Variants in DAPK1 observed in about 807,000 individuals in gnomAD.
The protein encoded by DAPK1 is death-associated protein kinase 1.
A neutral mutation model predicts 144.9 loss-of-function variants in DAPK1; 56 were observed. That is an observed-to-expected ratio of 0.39 (90% CI 0.31 to 0.48). The LOEUF is 0.48. Among genes scored for constraint, DAPK1 ranks in the 20% least tolerant of loss-of-function variants. The pLI is 0.95. For missense variants in DAPK1, 1,454 were observed against 1,875.4 expected, an observed-to-expected ratio of 0.78 and a Z score of 4.15; for synonymous variants, 690 against 749.0, an observed-to-expected ratio of 0.92 and a Z score of 1.29.
intron 2 of DAPK1, among the ~76,000 whole-genome samples, chr9:87,572,709 A>G (rs1160122884): frequency 6.6e-6 from 1 of 152,164 alleles, no homozygotes; most frequent in Non-Finnish European, 1.5e-5. Context: ...CCTCCCCAGA[A>G]GCTGAGCAGA....
intron 3 of DAPK1, among the ~76,000 whole-genome samples, chr9:87,634,320 G>A (rs1188356496): frequency 6.6e-6 from 1 of 152,216 alleles, no homozygotes; most frequent in African/African-American, 2.4e-5. Context: ...TGTGGCCTCG[G>A]CTGCGCTGGA....
intron 21 of DAPK1, among the ~76,000 whole-genome samples, chr9:87,691,025 G>T (rs1187806111): frequency 6.6e-6 from 1 of 151,932 alleles, no homozygotes; most frequent in East Asian, 1.9e-4. Flanking sequence ...TGTTATCATG[G>T]CAATGCTGGT....
intron 1 of DAPK1, 38 bp from the exon 2 acceptor site, chr9:87,498,932 T>G: frequency 1.6e-6 from 1 of 620,448 alleles, no homozygotes; most frequent in Non-Finnish European, 2.9e-6. Context: ...GGGGTTGCCA[T>G]TTTACTATTA....
chr9:87,541,637 G>T (rs1826059932), intron 2 of DAPK1, among the ~76,000 whole-genome samples: 2 of 152,162 alleles, frequency 1.3e-5, no homozygotes, highest in South Asian at 2.1e-4. Flanking sequence ...GTGGCTTTCA[G>T]AGAAAAACAC....
rs192387876 is a variant in DAPK1, at chr9:87,640,282, A to C, written c.630-16A>C. The C allele has an allele frequency of 1.1e-5, 17 of 1,610,036 alleles. No individual in the cohort carries two copies. Among genetic ancestry groups the C allele is most frequent in the South Asian group, 1.1e-5 (1 of 90,306 alleles). On this transcript the variant is annotated splice_polypyrimidine_tract_variant and intron_variant, in intron 7 of 25. Transcript: ENST00000408954. ...GGTCATCATTAATGTTCTATGCCCAACTTTATTTTTAACAGCCTAAGTGGG... is the reference window on the plus strand; with the variant it reads ...GGTCATCATTAATGTTCTATGCCCACCTTTATTTTTAACAGCCTAAGTGGG...
intron 2 of DAPK1, among the ~76,000 whole-genome samples, chr9:87,575,931 C>T (rs1827539717): frequency 6.6e-6 from 1 of 152,196 alleles, no homozygotes; most frequent in Non-Finnish European, 1.5e-5. Context: ...AGAATTTATA[C>T]CTCATGGGGC....
rs1825099189 is a variant in DAPK1, at chr9:87,517,287, C to T, written c.62+18148C>T. 2.0e-5 allele frequency among the ~76,000 whole-genome samples: 3 copies of T among 151,994 alleles called. No homozygotes were observed. The South Asian group carries it at 6.2e-4, about 32-fold the overall frequency. On this transcript the variant is annotated intron_variant, in intron 2 of 25. Coordinates refer to ENST00000408954, the MANE Select transcript of DAPK1 (RefSeq NM_004938.4). ...GGTCAGTATCTGCAGAACCCATCTG[C>T]TGGGCCTCTCTTCTTCTCGGTGGAC...
chr9:87,698,625 C>G, intron 22 of DAPK1, 31 bp from the exon 23 acceptor site: 1 of 1,529,610 alleles, frequency 6.5e-7, no homozygotes, highest in Non-Finnish European at 9.0e-7. Flanking sequence ...GGAGGACCCA[C>G]CCCCTGAAGC....
At chr9:87,582,597 C>T (rs1827790490) in intron 2 of DAPK1, among the ~76,000 whole-genome samples, 1 of 150,470 alleles carries the variant, frequency 6.6e-6, no homozygotes, top group South Asian at 2.1e-4. Flanking sequence ...CTCTGTTTCC[C>T]AGGCTGTAGT....
In DAPK1 at chr9:87,651,554, G is replaced by C. The variant is rs1432280234; in HGVS notation, c.1654G>C (p.Val552Leu). The C allele has an allele frequency of 6.2e-7, 1 of 1,614,052 alleles. No individual in the cohort carries two copies. Among genetic ancestry groups the C allele is most frequent in the South Asian group, 1.1e-5 (1 of 91,088 alleles). Reference protein sequence around the residue: ...KDGHIALHLAVRRCQMEVIKT... With the variant: ...KDGHIALHLALRRCQMEVIKT... ...CGGACACATTGCCCTTCATCTGGCT[G>C]TAAGACGGTGTCAGATGGAGGTAAT... The change falls in exon 17 of 26, where the codon GTA (valine) becomes CTA (leucine). Residue 552 changes from valine to leucine, a missense_variant. Physicochemically the swap from Val to Leu is conservative, Grantham distance 32. Coordinates refer to ENST00000408954, the MANE Select transcript of DAPK1 (RefSeq NM_004938.4).
chr9:87,568,329 A>G (rs535683881), intron 2 of DAPK1, among the ~76,000 whole-genome samples: 2 of 152,380 alleles, frequency 1.3e-5, no homozygotes, highest in East Asian at 3.9e-4. Flanking sequence ...GTTCTTTTCA[A>G]AACACTGTGC....
intron 2 of DAPK1, among the ~76,000 whole-genome samples, chr9:87,601,059 A>G (rs147836236): frequency 6.6e-6 from 1 of 152,280 alleles, no homozygotes; most frequent in East Asian, 1.9e-4. Context: ...GGTTGGGTGA[A>G]GAGGAACTGT....
At chr9:87,575,023 G>C (rs1324255588) in intron 2 of DAPK1, among the ~76,000 whole-genome samples, 1 of 151,830 alleles carries the variant, frequency 6.6e-6, no homozygotes, top group Non-Finnish European at 1.5e-5. Flanking sequence ...TTCAAGACCA[G>C]CCTGACCAAT....
At chr9:87,677,348 CTCACAGGG>C (rs1475912591) in intron 19 of DAPK1, among the ~76,000 whole-genome samples, 2 of 152,190 alleles carry the variant, frequency 1.3e-5, no homozygotes, top group East Asian at 3.9e-4. Flanking sequence ...CTAGAAGCCT[CTCACAGGG>C]GCAGCGGTGT....
rs531180215 is a variant in DAPK1 at position 87,524,435 on chromosome 9, C to T, written c.62+25296C>T. ...CAGTTCTGTGTGTTCCCTAAGCTGACGTGGAAAGTTGGGAAGCACACGCTT... is the reference window on the plus strand; with the variant it reads ...CAGTTCTGTGTGTTCCCTAAGCTGATGTGGAAAGTTGGGAAGCACACGCTT... On this transcript the variant is annotated intron_variant, in intron 2 of 25. Transcript: ENST00000408954. Among the ~76,000 whole-genome samples the T allele has an allele frequency of 1.6e-3, 237 of 152,316 alleles. 1 individual carries two copies. The highest frequency in any genetic ancestry group is 5.3e-3 in the African/African-American group (220 of 41,576).
chr9:87,626,048 T>G (rs572974960), intron 3 of DAPK1, among the ~76,000 whole-genome samples: 1 of 152,350 alleles, frequency 6.6e-6, no homozygotes, highest in Non-Finnish European at 1.5e-5. Flanking sequence ...ATGACCAATC[T>G]TGCCACTAAG....
At position 87,681,698 on chromosome 9, in the gene DAPK1, G is replaced by A. The variant is rs771608079; in HGVS notation, c.2224+72G>A. The A allele has an allele frequency of 5.0e-6, 4 of 807,098 alleles. No homozygotes were observed. The African/African-American group carries it at 5.1e-5, about 10-fold the overall frequency. The allele number at this position is 807,098 out of a possible 1,614,324, so 50.0% of individuals were successfully genotyped here. On this transcript the variant is annotated intron_variant, in intron 20 of 25. Coordinates refer to ENST00000408954, the MANE Select transcript of DAPK1 (RefSeq NM_004938.4). Reference sequence around the variant, plus strand: ...CCGCACTCTCTCCTTTCAAGGTCTAGGGGGGAAGGGAGTTGTGTTTGGGTC... The same window carrying A: ...CCGCACTCTCTCCTTTCAAGGTCTAAGGGGGAAGGGAGTTGTGTTTGGGTC...
At chr9:87,668,438 C>A in intron 18 of DAPK1, 159 bp from the exon 19 acceptor site, 2 of 656,424 alleles carry the variant, frequency 3.0e-6, no homozygotes, top group Non-Finnish European at 5.5e-6. Context: ...ATAAGGATTG[C>A]ACAGCCAGAG....
intron 2 of DAPK1, among the ~76,000 whole-genome samples, chr9:87,539,273 A>G (rs1487388154): frequency 6.6e-6 from 1 of 152,026 alleles, no homozygotes; most frequent in Admixed American, 6.6e-5. Flanking sequence ...GTAGTTTAAG[A>G]CATGGGTTTT....
Sources: allele counts gnomAD v4.1 joint callset (sites outside exome capture counted in the v4.1 genomes callset), GRCh38; gene constraint gnomAD v4.1.1; transcripts MANE v1.5; gene names NCBI Gene and HGNC (gene_info 2026-07-23, HGNC 2026-07-21).